Variants in TMEM63B observed in about 807,000 individuals in gnomAD.
The protein encoded by TMEM63B is mechanosensitive cation channel TMEM63B.
In TMEM63B, 23 loss-of-function variants were observed where a neutral mutation model predicts 102.6. That is an observed-to-expected ratio of 0.22 (90% CI 0.16 to 0.32). The LOEUF (loss-of-function observed/expected upper bound fraction) is 0.32. Among genes scored for constraint, TMEM63B ranks in the 10% least tolerant of loss-of-function variants. The pLI is 1.00. For synonymous variants in TMEM63B, 444 were observed against 437.0 expected (o/e 1.02, Z -0.20); for missense variants, 628 against 1,095.9 (o/e 0.57, Z 6.03).
At chr6:44,136,472 C>A in intron 5 of TMEM63B, 33 bp downstream of exon 5, 3 of 1,438,244 alleles carry the variant, frequency 2.1e-6, no homozygotes, top group African/African-American at 1.4e-5. Context: ...TCTTAGTCCC[C>A]CACCCCACCC....
intron 5 of TMEM63B, 71 bp downstream of exon 5, chr6:44,136,510 C>T: frequency 2.8e-6 from 3 of 1,072,876 alleles, no homozygotes; most frequent in Admixed American, 4.0e-5. Flanking sequence ...AGAAGTCCCT[C>T]ACTTTCAGTG....
intron 4 of TMEM63B, among the ~76,000 whole-genome samples, 182 bp downstream of exon 4, chr6:44,135,548 C>G (rs1762774232): frequency 6.6e-6 from 1 of 152,242 alleles, no homozygotes; most frequent in African/African-American, 2.4e-5. Flanking sequence ...CAGCTTGTCT[C>G]TGCCTCACCT....
chr6:44,129,819 C>T (rs1484530311), intron 1 of TMEM63B, among the ~76,000 whole-genome samples: 3 of 152,126 alleles, frequency 2.0e-5, no homozygotes, highest in Admixed American at 2.0e-4. Flanking sequence ...CATTATATGC[C>T]TTGAACTATA....
chr6:44,149,744 A>G (rs1457759252), intron 15 of TMEM63B, 115 bp from the exon 16 acceptor site: 8 of 778,048 alleles, frequency 1.0e-5, no homozygotes, highest in South Asian at 6.9e-5. Flanking sequence ...GGCTTCCAAC[A>G]TGGGAGCCCT....
chr6:44,131,677 C>A (rs984380305), intron 1 of TMEM63B, among the ~76,000 whole-genome samples: 4 of 152,132 alleles, frequency 2.6e-5, no homozygotes, highest in Non-Finnish European at 4.4e-5. Flanking sequence ...CAAGATCGCG[C>A]CACTGCACTC....
chr6:44,130,639 C>G (rs780365647), intron 1 of TMEM63B, among the ~76,000 whole-genome samples: 3 of 151,156 alleles, frequency 2.0e-5, no homozygotes, highest in Non-Finnish European at 1.5e-5. Flanking sequence ...TTTGTAGAGA[C>G]GGGGTTTTGC....
chr6:44,137,720 A>G (rs566123648), intron 5 of TMEM63B, among the ~76,000 whole-genome samples: 1 of 150,222 alleles, frequency 6.7e-6, no homozygotes, highest in South Asian at 2.1e-4. Context: ...TTTCCCTGAG[A>G]CAGAGTCTTG....
chr6:44,154,436 C>T lies in TMEM63B; in HGVS notation c.2298C>T (p.Pro766=). 6.2e-7 allele frequency: 1 copy of T among 1,613,992 alleles called. No homozygotes were observed. Among genetic ancestry groups the T allele is most frequent in the South Asian group, 1.1e-5 (1 of 91,088 alleles). The part of the protein sequence containing the change: ...NGRPPTAAAV[P]KSAKYIAQVL... ...GGCCCCCCACTGCTGCTGCTGTCCC[C>T]AAATCTGCGGTGAGTGCCCTCAAGG... Residue 766 remains proline, a synonymous_variant, in exon 23 of 24, where the codon CCC becomes CCT. Transcript: ENST00000323267.
rs772222647 is a variant in TMEM63B at position 44,150,296 on chromosome 6, G to T, written c.1593G>T (p.Ser531=). ...FLIFMVLLLP[S]LGLSSLDLFF... ...TCTTCATGGTGCTGCTCCTACCCTC[G>T]CTGGGACTGAGCAGGTGAGTTGAGA... Residue 531 remains serine (S), a synonymous_variant, in exon 17 of 24, where the codon TCG becomes TCT. Transcript: ENST00000323267. This position sits in a 1 kb window ranked among gnomAD's most constrained non-coding sequence, Gnocchi z 4.7. The T allele has an allele frequency of 1.9e-6, 3 of 1,613,858 alleles. No homozygotes were observed. The highest frequency in any genetic ancestry group is 1.3e-5 in the African/African-American group (1 of 74,904).
At chr6:44,153,085 T>TG (rs1409350670) in intron 20 of TMEM63B, among the ~76,000 whole-genome samples, 2 of 152,220 alleles carry the variant, frequency 1.3e-5, no homozygotes, top group Non-Finnish European at 2.9e-5. Flanking sequence ...AGGAAAGACT[T>TG]GGATTCCAGG....
chr6:44,139,560 C>T lies in TMEM63B; in HGVS notation c.501C>T (p.Val167=). The part of the protein sequence containing the change: ...HIIGLLVVVG[V]LSVGIVLPVN... ...TCGGGCTGCTGGTGGTTGTGGGCGT[C>T]CTCTCCGTAGGCATCGTGCTGCCTG... Residue 167 remains valine, a synonymous_variant, in exon 7 of 24, where the codon GTC becomes GTT. Coordinates refer to ENST00000323267, the MANE Select transcript of TMEM63B (RefSeq NM_018426.3). The T allele has an allele frequency of 1.2e-6, 2 of 1,614,242 alleles. No homozygotes were observed. The highest frequency in any genetic ancestry group is 1.7e-6 in the Non-Finnish European group (2 of 1,180,046).
Position 44,148,500 on chromosome 6 carries a change from C to T in TMEM63B, c.1122-13C>T. The T allele has an allele frequency of 1.2e-6, 2 of 1,613,518 alleles. No homozygotes were observed. Among genetic ancestry groups the T allele is most frequent in the Non-Finnish European group, 1.7e-6 (2 of 1,179,676 alleles). ...CCAGGTGGGCCTGTGGTAACCAGTG[C>T]CCATCTTTCTAGCATCCTGAAGGAC... On this transcript the variant is annotated splice_polypyrimidine_tract_variant and intron_variant, in intron 13 of 23. Coordinates refer to ENST00000323267, the MANE Select transcript of TMEM63B (RefSeq NM_018426.3). This position sits in a 1 kb window ranked among gnomAD's most constrained non-coding sequence, Gnocchi z 5.1.
rs147782589 is a variant in TMEM63B at position 44,153,728 on chromosome 6, C to T, written c.1995C>T (p.Tyr665=). The change falls in exon 21 of 24, where the codon TAC becomes TAT. Residue 665 remains tyrosine, a synonymous_variant. Coordinates refer to ENST00000323267, the MANE Select transcript of TMEM63B (RefSeq NM_018426.3). The stretch of plus-strand genomic sequence containing the variant: ...TGGTAGACAGGTACAATCTCTACTA[C>T]GCCTACCTGCCGGCCAAGCTGGACA... ...KHLVDRYNLY[Y]AYLPAKLDKK... The T allele has an allele frequency of 7.4e-6, 12 of 1,614,008 alleles. No homozygotes were observed. The highest frequency in any genetic ancestry group is 4.0e-5 in the African/African-American group (3 of 74,942).
At chr6:44,136,297 C>T (rs370393370) in intron 4 of TMEM63B, 52 bp from the exon 5 acceptor site, 142 of 1,524,508 alleles carry the variant, frequency 9.3e-5, no homozygotes, top group Middle Eastern at 3.4e-4. Context: ...CCCAGCTTCC[C>T]GGGGGCTCAG....
In TMEM63B at chr6:44,148,016, G is replaced by C. The variant is rs1484979267; in HGVS notation, c.988-236G>C. ...TGCACACATGTATTCCCAGCCACTT[G>C]GGAGGCTGAGGTGGGAGGGTCACTT... On this transcript the variant is annotated intron_variant, in intron 12 of 23. Transcript: ENST00000323267. This position sits in a 1 kb window ranked among gnomAD's most constrained non-coding sequence, Gnocchi z 5.1. Among the ~76,000 whole-genome samples, 2 of 152,190 alleles carry C rather than the reference G, an allele frequency of 1.3e-5. No individual in the cohort carries two copies. Among genetic ancestry groups the C allele is most frequent in the Admixed American group, 6.5e-5 (1 of 15,282 alleles).
intron 6 of TMEM63B, chr6:44,139,035 A>C: frequency 8.3e-6 from 2 of 242,210 alleles, no homozygotes; most frequent in Non-Finnish European, 8.2e-6. Flanking sequence ...CCCTCCTCCC[A>C]TCCTTCCTTC....
chr6:44,136,960 G>A (rs1254762981), intron 5 of TMEM63B, among the ~76,000 whole-genome samples: 1 of 152,250 alleles, frequency 6.6e-6, no homozygotes, highest in Non-Finnish European at 1.5e-5. Context: ...CAGGAGAATG[G>A]CGTGAACGCG....
chr6:44,149,036 C>T (rs763000048), intron 15 of TMEM63B, 91 bp downstream of exon 15: 23 of 1,591,856 alleles, frequency 1.4e-5, no homozygotes, highest in Non-Finnish European at 1.8e-5. Context: ...CAGCCCAGCC[C>T]GTTCTGCTTG....
intron 10 of TMEM63B, among the ~76,000 whole-genome samples, chr6:44,144,712 T>A (rs548090578): frequency 3.4e-4 from 52 of 151,962 alleles, no homozygotes; most frequent in Non-Finnish European, 6.6e-4. Flanking sequence ...TCCTCCTGCC[T>A]CAGACTCCCG....
Sources: gnomAD v4.1 joint callset for allele counts (sites outside exome capture counted in the v4.1 genomes callset) on GRCh38, gnomAD v4.1.1 for gene constraint, Gnocchi (gnomAD v3.1) non-coding constraint, MANE v1.5 for transcripts, NCBI Gene and HGNC (gene_info 2026-07-23, HGNC 2026-07-21) for gene names.